The following CUX2 variants were observed in gnomAD, a reference collection of about 807,000 sequenced individuals.
CUX2 encodes homeobox protein cut-like 2.
In CUX2, 40 loss-of-function variants were observed where a neutral mutation model predicts 144.8. That is an observed-to-expected ratio of 0.28 (90% CI 0.21 to 0.36). CUX2 has a LOEUF of 0.36. Among genes scored for constraint, CUX2 ranks in the 10% least tolerant of loss-of-function variants. CUX2 has a pLI of 1.00. For synonymous variants in CUX2, 827 were observed against 875.6 expected, an observed-to-expected ratio of 0.94 and a Z score of 0.98; for missense variants, 1,615 against 1,994.0, an observed-to-expected ratio of 0.81 and a Z score of 3.62.
At chr12:111,165,549 G>T (rs1878085553) in intron 1 of CUX2, among the ~76,000 whole-genome samples, 1 of 152,188 alleles carries the variant, frequency 6.6e-6, no homozygotes, top group Non-Finnish European at 1.5e-5. Context: ...CTCAAATTCT[G>T]GTGCTGCTGC....
intron 1 of CUX2, among the ~76,000 whole-genome samples, chr12:111,066,964 C>T (rs1029437567): frequency 6.6e-6 from 1 of 152,166 alleles, no homozygotes; most frequent in African/African-American, 2.4e-5. Context: ...CCAGGGAGCA[C>T]CTCCAATGAA....
At chr12:111,187,708 T>C (rs528344022) in intron 1 of CUX2, among the ~76,000 whole-genome samples, 37 of 152,310 alleles carry the variant, frequency 2.4e-4, no homozygotes, top group Non-Finnish European at 4.9e-4. Context: ...GTGGCATCTG[T>C]CCATGCAGAG....
At chr12:111,155,939 A>T (rs1202250221) in intron 1 of CUX2, among the ~76,000 whole-genome samples, 1 of 152,160 alleles carries the variant, frequency 6.6e-6, no homozygotes, top group African/African-American at 2.4e-5. Context: ...AAAAAAATAA[A>T]AATAAAAACC....
At chr12:111,273,019 T>C (rs1884703481) in intron 4 of CUX2, among the ~76,000 whole-genome samples, 1 of 152,232 alleles carries the variant, frequency 6.6e-6, no homozygotes, top group South Asian at 2.1e-4. Flanking sequence ...GCTTATGCTC[T>C]GAGTGCTTGC....
At chr12:111,110,812 G>A (rs1873895409) in intron 1 of CUX2, among the ~76,000 whole-genome samples, 2 of 152,222 alleles carry the variant, frequency 1.3e-5, no homozygotes, top group Admixed American at 1.3e-4. Flanking sequence ...GTGTTCACCA[G>A]GATAACTGAG....
intron 9 of CUX2, among the ~76,000 whole-genome samples, chr12:111,301,289 G>A (rs1023781596): frequency 6.6e-6 from 1 of 152,136 alleles, no homozygotes; most frequent in Non-Finnish European, 1.5e-5. Context: ...TCTTACTCCT[G>A]GGGTGAGAAA....
chr12:111,175,173 A>G (rs577620661), intron 1 of CUX2, among the ~76,000 whole-genome samples: 1 of 152,236 alleles, frequency 6.6e-6, no homozygotes, highest in South Asian at 2.1e-4. Context: ...ATCACATTCC[A>G]TTTCTATTCA....
chr12:111,074,593 T>C (rs1871420386), intron 1 of CUX2, among the ~76,000 whole-genome samples: 1 of 151,962 alleles, frequency 6.6e-6, no homozygotes. Context: ...TACCTTGAGC[T>C]GCCCCTCAGC....
At chr12:111,044,003 C>T (rs542757439) in intron 1 of CUX2, among the ~76,000 whole-genome samples, 2 of 152,328 alleles carry the variant, frequency 1.3e-5, no homozygotes, top group South Asian at 2.1e-4. Flanking sequence ...GGCACAGACT[C>T]GTACCTGGGA....
intron 1 of CUX2, among the ~76,000 whole-genome samples, chr12:111,036,634 G>C (rs779721766): frequency 4.0e-5 from 6 of 151,576 alleles, no homozygotes; most frequent in Admixed American, 1.3e-4. Context: ...ATATGTGAAG[G>C]GGGGGGTTGT....
rs1391905993 is a variant in CUX2 at position 111,138,853 on chromosome 12, A to G, written c.64-75347A>G. On this transcript the variant is annotated intron_variant, in intron 1 of 21. Transcript: ENST00000261726. ...GCTTCCCTCAAGTTGGGACTGCACT[A>G]TGGTACCATTCACCCCACACAGCTC... is the stretch of plus-strand genomic sequence containing the variant. Among the ~76,000 whole-genome samples, 8 of 151,828 alleles carry G rather than the reference A, an allele frequency of 5.3e-5. No individual in the cohort carries two copies. The East Asian group carries it at 1.4e-3, about 26-fold the overall frequency.
intron 1 of CUX2, among the ~76,000 whole-genome samples, chr12:111,208,898 T>G (rs1881059330): frequency 6.6e-6 from 1 of 152,228 alleles, no homozygotes; most frequent in Non-Finnish European, 1.5e-5. Flanking sequence ...TTTGTTTTAA[T>G]GGCTACCATC....
chr12:111,142,722 G>A (rs886427063), intron 1 of CUX2, among the ~76,000 whole-genome samples: 3 of 152,094 alleles, frequency 2.0e-5, no homozygotes, highest in East Asian at 1.9e-4. Flanking sequence ...AGCTGCTCCC[G>A]GCTTGTAATT....
Position 111,295,658 on chromosome 12 carries a change from G to A in CUX2, c.637+249G>A, listed in dbSNP as rs1175845398. On this transcript the variant is annotated intron_variant, in intron 7 of 21. Transcript: ENST00000261726. This position sits in a 1 kb window ranked among gnomAD's most constrained non-coding sequence, Gnocchi z 5.0. ...GATGGCCAGGCGTGGTGGCTCACAT[G>A]TGTAATCCTGGCACTTTGGGAGGCT... 6.6e-6 allele frequency among the ~76,000 whole-genome samples: 1 copy of A among 152,104 alleles called. No homozygotes were observed. Among genetic ancestry groups the A allele is most frequent in the Non-Finnish European group, 1.5e-5 (1 of 68,020 alleles).
At chr12:111,193,452 C>T (rs142158172) in intron 1 of CUX2, among the ~76,000 whole-genome samples, 30 of 152,370 alleles carry the variant, frequency 2.0e-4, no homozygotes, top group Non-Finnish European at 4.3e-4. Flanking sequence ...CAATTATCCT[C>T]ATGGATAGCT....
At chr12:111,133,360 T>G (rs1462463777) in intron 1 of CUX2, among the ~76,000 whole-genome samples, 5 of 152,182 alleles carry the variant, frequency 3.3e-5, no homozygotes, top group African/African-American at 1.2e-4. Flanking sequence ...AAAAAGAGGT[T>G]TCATTGGACT....
intron 4 of CUX2, among the ~76,000 whole-genome samples, chr12:111,272,578 C>T (rs1312383914): frequency 6.6e-6 from 1 of 152,174 alleles, no homozygotes; most frequent in African/African-American, 2.4e-5. Context: ...AATTCTCATG[C>T]CTCAGCCTCC....
At position 111,310,405 on chromosome 12, in the gene CUX2, C is replaced by T. The variant is rs750439909; in HGVS notation, c.1623C>T (p.Gly541=). The T allele has an allele frequency of 2.0e-5, 33 of 1,609,964 alleles. No homozygotes were observed. The highest frequency in any genetic ancestry group is 1.3e-4 in the South Asian group (12 of 90,816). ...CTGAGCCCGCGGATGGTGGTGGGGG[C>T]GGAGCGGCGGGGCCCGGGGCAGAGG... ...GGPEPADGGG[G]GAAGPGAEEE... is the part of the protein sequence containing the mutation. The change falls in exon 15 of 22, where the codon GGC becomes GGT. Residue 541 remains glycine, a synonymous_variant. Coordinates refer to ENST00000261726, the MANE Select transcript of CUX2 (RefSeq NM_015267.4). This position sits in a 1 kb window ranked among gnomAD's most constrained non-coding sequence, Gnocchi z 7.9.
At position 111,039,503 on chromosome 12, in the gene CUX2, G is replaced by A. The variant is rs886773284; in HGVS notation, c.63+5263G>A. ...TTGCTGTACGAGTTATTGTAAAGGT[G>A]AAGGATGCTGACACCTTTGTGGGTC... On this transcript the variant is annotated intron_variant, in intron 1 of 21. Transcript: ENST00000261726. This position sits in a 1 kb window ranked among gnomAD's most constrained non-coding sequence, Gnocchi z 4.2. Among the ~76,000 whole-genome samples the A allele has an allele frequency of 6.6e-6, 1 of 152,148 alleles. No homozygotes were observed. The highest frequency in any genetic ancestry group is 1.5e-5 in the Non-Finnish European group (1 of 68,028).
Sources: allele counts gnomAD v4.1 joint callset (sites outside exome capture counted in the v4.1 genomes callset), GRCh38; gene constraint gnomAD v4.1.1; non-coding constraint Gnocchi (gnomAD v3.1); transcripts MANE v1.5; gene names NCBI Gene and HGNC (gene_info 2026-07-23, HGNC 2026-07-21).